MDFIC: variants seen among roughly 807,000 people sequenced by gnomAD.
MDFIC encodes MyoD family inhibitor domain containing, also known as myoD family inhibitor domain-containing protein.
A neutral mutation model predicts 23.2 loss-of-function variants in MDFIC; 17 were observed. The ratio of observed to expected loss-of-function variants is 0.73; its 90% CI spans 0.50 to 1.10. The LOEUF is 1.10. MDFIC is among the 50% of genes least tolerant of loss of function. The pLI, the probability that MDFIC is intolerant of heterozygous loss-of-function variation, is 0.00. For synonymous variants in MDFIC, 120 were observed against 115.2 expected (o/e 1.04, Z -0.27); for missense variants, 356 against 316.6 (o/e 1.12, Z -0.95).
chr7:114,982,192 G>A (rs1793429195), intron 4 of MDFIC, among the ~76,000 whole-genome samples: 1 of 152,144 alleles, frequency 6.6e-6, no homozygotes, highest in African/African-American at 2.4e-5. Flanking sequence ...GTGCAGAATG[G>A]GGCAGGGGCA....
At chr7:114,928,315 AAAG>A (rs1277075425) in intron 2 of MDFIC, among the ~76,000 whole-genome samples, 10 of 152,304 alleles carry the variant, frequency 6.6e-5, no homozygotes, top group Admixed American at 5.9e-4. Flanking sequence ...GTGAAAAAAA[AAAG>A]GTCTACGGAA....
chr7:115,008,176 C>A (rs1010270345), intron 4 of MDFIC, among the ~76,000 whole-genome samples: 2 of 151,964 alleles, frequency 1.3e-5, no homozygotes, highest in African/African-American at 4.8e-5. Flanking sequence ...TCTCTGCTAT[C>A]CTCTCGCTGT....
At chr7:114,941,764 A>T (rs1429008796) in intron 2 of MDFIC, among the ~76,000 whole-genome samples, 1 of 152,148 alleles carries the variant, frequency 6.6e-6, no homozygotes, top group African/African-American at 2.4e-5. Context: ...TTCTCAGAGG[A>T]TGCATTACAC....
intron 3 of MDFIC, among the ~76,000 whole-genome samples, chr7:114,956,736 G>A (rs1057361674): frequency 6.6e-6 from 1 of 152,096 alleles, no homozygotes; most frequent in Non-Finnish European, 1.5e-5. Context: ...GTAGGGCTTG[G>A]GCATTTGTGA....
chr7:114,933,016 C>T (rs1265079622), intron 2 of MDFIC, among the ~76,000 whole-genome samples: 1 of 152,196 alleles, frequency 6.6e-6, no homozygotes, highest in East Asian at 1.9e-4. Context: ...AAACAACCCC[C>T]TTTGATTCAA....
At chr7:114,931,559 G>T (rs1397473688) in intron 2 of MDFIC, among the ~76,000 whole-genome samples, 1 of 152,152 alleles carries the variant, frequency 6.6e-6, no homozygotes, top group African/African-American at 2.4e-5. Flanking sequence ...TTCTCAACAG[G>T]ATGAGAAAGG....
At chr7:114,976,626 C>T (rs570548846) in intron 3 of MDFIC, among the ~76,000 whole-genome samples, 10 of 152,166 alleles carry the variant, frequency 6.6e-5, no homozygotes, top group South Asian at 2.1e-4. Context: ...AACTGAAAAA[C>T]GGTAACAGGA....
intron 3 of MDFIC, among the ~76,000 whole-genome samples, chr7:114,975,218 G>A (rs977821536): frequency 2.0e-5 from 3 of 151,956 alleles, no homozygotes; most frequent in Non-Finnish European, 2.9e-5. Flanking sequence ...TACCTTTAAC[G>A]CATGTGATTA....
Position 114,999,650 on chromosome 7 carries a change from A to G in MDFIC, c.494-16038A>G, listed in dbSNP as rs531045043. On this transcript the variant is annotated intron_variant, in intron 4 of 4. Coordinates refer to ENST00000393486, the MANE Select transcript of MDFIC (RefSeq NM_001166345.3). Reference sequence around the variant, plus strand: ...GAACCTCATAGTTTAAAGTTGACATATTTCTTAAAAACTCTTGTAAGGGGA... The same window carrying G: ...GAACCTCATAGTTTAAAGTTGACATGTTTCTTAAAAACTCTTGTAAGGGGA... Among the ~76,000 whole-genome samples the G allele has an allele frequency of 7.0e-4, 106 of 152,120 alleles. 1 individual carries two copies. The South Asian group carries it at 0.021, about 31-fold the overall frequency.
chr7:114,923,551 A>G lies in MDFIC; in HGVS notation c.94+424A>G. 3 of 1,535,474 alleles carry G rather than the reference A, an allele frequency of 2.0e-6. No homozygotes were observed. The Admixed American group carries it at 5.9e-5, about 30-fold the overall frequency. On this transcript the variant is annotated intron_variant, in intron 2 of 4. Coordinates refer to ENST00000393486, the MANE Select transcript of MDFIC (RefSeq NM_001166345.3). The stretch of plus-strand genomic sequence containing the variant: ...TCTGTTTCTTGTTGGCTCCTCTACC[A>G]CCCGGTTGATAATTCAGGTTTCTGT...
rs1791780676 is a variant in MDFIC, at chr7:115,015,705, A to G, written c.511A>G (p.Ile171Val). The change falls in exon 5 of 5, where the codon ATC (isoleucine) becomes GTC (valine). Residue 171 changes from isoleucine (I) to valine (V), a missense_variant. Coordinates refer to ENST00000393486, the MANE Select transcript of MDFIC (RefSeq NM_001166345.3). ...AAATGAAGATTGTTGTGTCCACTGT[A>G]TCCTGGCTTGCTTGTTCTGCGAATT... The part of the protein sequence containing the change: ...SSPEDCCVHC[I>V]LACLFCEFLT... 1.2e-6 allele frequency: 2 copies of G among 1,614,152 alleles called. No individual in the cohort carries two copies. Among genetic ancestry groups the G allele is most frequent in the Non-Finnish European group, 1.7e-6 (2 of 1,180,016 alleles).
rs115534137 is a variant in MDFIC at position 114,996,771 on chromosome 7, G to A, written c.493+16990G>A. On this transcript the variant is annotated intron_variant, in intron 4 of 4. Transcript: ENST00000393486. ...GGAATGGAGTGGGTCCAAGGTATCAGCATCCTTTAGAAGCTCCCTATATGA... is the reference window on the plus strand; with the variant it reads ...GGAATGGAGTGGGTCCAAGGTATCAACATCCTTTAGAAGCTCCCTATATGA... Among the ~76,000 whole-genome samples the A allele has an allele frequency of 4.7e-3, 718 of 152,266 alleles. 4 individuals are homozygous for A. The highest frequency in any genetic ancestry group is 0.016 in the African/African-American group (650 of 41,544).
At chr7:114,974,014 G>A (rs1793258915) in intron 3 of MDFIC, among the ~76,000 whole-genome samples, 3 of 152,068 alleles carry the variant, frequency 2.0e-5, no homozygotes, top group African/African-American at 7.2e-5. Flanking sequence ...CCCTTGCCAG[G>A]GAACTAAAGA....
intron 4 of MDFIC, among the ~76,000 whole-genome samples, chr7:115,015,058 C>A (rs73447415): frequency 1.3e-5 from 2 of 151,972 alleles, no homozygotes; most frequent in East Asian, 3.9e-4. Context: ...GCAGAAGAAC[C>A]GTTCTAGAAA....
chr7:114,951,933 A>T (rs536330730), intron 3 of MDFIC, among the ~76,000 whole-genome samples: 1 of 152,286 alleles, frequency 6.6e-6, no homozygotes, highest in East Asian at 1.9e-4. Context: ...TTAAAATATT[A>T]TTATGAATTT....
At chr7:114,946,985 T>C (rs759812146) in intron 3 of MDFIC, among the ~76,000 whole-genome samples, 21 of 152,232 alleles carry the variant, frequency 1.4e-4, no homozygotes, top group Non-Finnish European at 2.9e-4. Flanking sequence ...GGTGTGCTAT[T>C]TATATACTTA....
At chr7:114,977,398 G>T (rs1793337222) in intron 3 of MDFIC, among the ~76,000 whole-genome samples, 1 of 151,984 alleles carries the variant, frequency 6.6e-6, no homozygotes, top group African/African-American at 2.4e-5. Flanking sequence ...TGTAGCACTG[G>T]GCCACTGTTT....
At chr7:114,927,373 T>A (rs1405714323) in intron 2 of MDFIC, among the ~76,000 whole-genome samples, 1 of 151,762 alleles carries the variant, frequency 6.6e-6, no homozygotes, top group Non-Finnish European at 1.5e-5. Context: ...TTTTAAAAGT[T>A]CACCTTTTCA....
In MDFIC at chr7:114,942,357, G is replaced by A. The variant is rs1792560290; in HGVS notation, c.177G>A (p.Gln59=). ...SHFTHGEMQD[Q]SIWGNPSDGE... is the part of the protein sequence containing the mutation. ...TCACACATGGAGAGATGCAAGACCA[G>A]TCCATTTGGGGAAATCCTTCGGATG... The change falls in exon 3 of 5, where the codon CAG becomes CAA. Residue 59 remains glutamine (Q), a synonymous_variant. Coordinates refer to ENST00000393486, the MANE Select transcript of MDFIC (RefSeq NM_001166345.3). The A allele has an allele frequency of 6.2e-7, 1 of 1,604,886 alleles. No individual in the cohort carries two copies. Among genetic ancestry groups the A allele is most frequent in the Non-Finnish European group, 8.5e-7 (1 of 1,175,242 alleles).
Sources: gnomAD v4.1 joint callset for allele counts (sites outside exome capture counted in the v4.1 genomes callset) on GRCh38, gnomAD v4.1.1 for gene constraint, MANE v1.5 for transcripts, NCBI Gene and HGNC (gene_info 2026-07-23, HGNC 2026-07-21) for gene names.